Variants in PDE8B observed in about 807,000 individuals in gnomAD.
PDE8B encodes high affinity cAMP-specific and IBMX-insensitive 3',5'-cyclic phosphodiesterase 8B.
Under a neutral mutation model 101.3 loss-of-function variants are expected in PDE8B, and 26 were observed. The observed-to-expected ratio is 0.26, with a 90% CI of 0.19 to 0.36. The LOEUF (loss-of-function observed/expected upper bound fraction) is 0.36, where lower values mean the gene tolerates loss of function less well. Ranked by LOEUF, PDE8B falls within the 10% of genes least tolerant of loss-of-function variation. The probability of loss-of-function intolerance (pLI) is 1.00; values close to 1 mark genes in which losing one functional copy is unlikely to be tolerated. For missense variants in PDE8B, 810 were observed against 1,163.1 expected, an observed-to-expected ratio of 0.70 and a Z score of 4.42; for synonymous variants, 424 against 429.3, an observed-to-expected ratio of 0.99 and a Z score of 0.15.
At chr5:77,257,858 T>A (rs1759516816) in intron 1 of PDE8B, among the ~76,000 whole-genome samples, 1 of 152,074 alleles carries the variant, frequency 6.6e-6, no homozygotes, top group Non-Finnish European at 1.5e-5. Flanking sequence ...TGTGTATTGT[T>A]CCCCTCCCTG....
At chr5:77,128,480 G>A in the PDE8B span, among the ~76,000 whole-genome samples, 5 of 152,300 alleles carry the variant, frequency 3.3e-5, no homozygotes, top group South Asian at 1.0e-3. Context: ...GGTTGTGCAT[G>A]CATGACTGCC....
upstream of PDE8B, among the ~76,000 whole-genome samples, chr5:77,205,531 C>T (rs568785076): frequency 1.1e-4 from 17 of 152,056 alleles, no homozygotes; most frequent in African/African-American, 3.9e-4. Context: ...CTGATTCTCT[C>T]CCTTTTAAAT....
chr5:77,260,167 A>G (rs1279088319), intron 1 of PDE8B, among the ~76,000 whole-genome samples: 45 of 147,708 alleles, frequency 3.0e-4, no homozygotes, highest in African/African-American at 1.1e-3. Flanking sequence ...CAAAAAAAAA[A>G]AAAAAAGAAA....
chr5:77,233,678 G>GTC (rs1754075772), intron 1 of PDE8B, among the ~76,000 whole-genome samples: 1 of 151,244 alleles, frequency 6.6e-6, no homozygotes. Flanking sequence ...GTGTGTGTGT[G>GTC]TGTGTGTGTG....
intron 17 of PDE8B, among the ~76,000 whole-genome samples, chr5:77,414,587 A>ATTTTTT (rs35794220): frequency 7.2e-6 from 1 of 139,456 alleles, no homozygotes; most frequent in Non-Finnish European, 1.6e-5. Context: ...TGCCCAGCCG[A>ATTTTTT]TTTTTTTTTT....
intron 1 of PDE8B, among the ~76,000 whole-genome samples, chr5:77,261,700 G>C (rs1303947211): frequency 6.6e-6 from 1 of 152,200 alleles, no homozygotes; most frequent in East Asian, 1.9e-4. Context: ...AGTACTAGAA[G>C]GTTCCTAAGA....
the PDE8B span, among the ~76,000 whole-genome samples, chr5:77,129,289 A>C: frequency 1.3e-5 from 2 of 152,200 alleles, no homozygotes; most frequent in Admixed American, 1.3e-4. Flanking sequence ...TTTTATTATG[A>C]AAAATTTTAA....
intron 10 of PDE8B, among the ~76,000 whole-genome samples, chr5:77,389,558 C>T (rs1275494299): frequency 1.3e-5 from 2 of 152,178 alleles, no homozygotes; most frequent in Non-Finnish European, 2.9e-5. Context: ...TTTGACAAAG[C>T]ATATAATACT....
rs569755477 is a variant in PDE8B, at chr5:77,256,270, C to T, written c.339+45006C>T. Among the ~76,000 whole-genome samples, 54 of 152,206 alleles carry T rather than the reference C, an allele frequency of 3.5e-4. No homozygotes were observed. The South Asian group carries it at 8.3e-3, about 23-fold the overall frequency. On this transcript the variant is annotated intron_variant, in intron 1 of 21. Transcript: ENST00000264917. ...CATTGGGTACGTATATGAGGTCTTC[C>T]CACACTTTTATTCACAATCATATCA...
chr5:77,363,381 G>C (rs1783491787), intron 10 of PDE8B, among the ~76,000 whole-genome samples: 1 of 152,164 alleles, frequency 6.6e-6, no homozygotes, highest in Non-Finnish European at 1.5e-5. Context: ...ACTTCATAGA[G>C]GAGGTGTTGA....
intron 2 of PDE8B, among the ~76,000 whole-genome samples, chr5:77,324,634 A>T (rs1193725225): frequency 6.6e-6 from 1 of 152,212 alleles, no homozygotes; most frequent in Non-Finnish European, 1.5e-5. Flanking sequence ...CATCAGCTTT[A>T]CATTTCATGA....
chr5:77,389,728 G>A (rs1329403613), intron 10 of PDE8B, among the ~76,000 whole-genome samples: 10 of 152,008 alleles, frequency 6.6e-5, no homozygotes, highest in Non-Finnish European at 1.0e-4. Context: ...ATACTGTCAC[G>A]GTTGGCTTCT....
intron 1 of PDE8B, among the ~76,000 whole-genome samples, chr5:77,305,848 G>A (rs2150071492): frequency 6.6e-6 from 1 of 152,312 alleles, no homozygotes; most frequent in East Asian, 1.9e-4. Context: ...CACAGCTGGT[G>A]TCTTTTCAGT....
rs1002341248 is a variant in PDE8B at position 77,211,562 on chromosome 5, G to T, written c.339+298G>T. Among the ~76,000 whole-genome samples, 1 of 152,254 alleles carries T rather than the reference G, an allele frequency of 6.6e-6. No homozygotes were observed. Among genetic ancestry groups the T allele is most frequent in the African/African-American group, 2.4e-5 (1 of 41,474 alleles). ...CCTGTTCCTCCTTGAGGGCAGGAAG[G>T]CTGTGGCTTGGTTTATGCAGGAAGA... is the stretch of plus-strand genomic sequence containing the variant. On this transcript the variant is annotated intron_variant, in intron 1 of 21. Transcript: ENST00000264917. The surrounding 1 kb of genome is among the most constrained non-coding windows in gnomAD (Gnocchi z 4.1).
chr5:77,420,626 G>T (rs1033742555), intron 19 of PDE8B, among the ~76,000 whole-genome samples: 7 of 152,076 alleles, frequency 4.6e-5, no homozygotes, highest in African/African-American at 1.7e-4. Context: ...CCCATCCCAT[G>T]ACCAGTCTGG....
Position 77,211,388 on chromosome 5 carries a change from AAGG to A in PDE8B, c.339+130_339+132del, listed in dbSNP as rs1392689156. On this transcript the variant is annotated intron_variant, in intron 1 of 21. Transcript: ENST00000264917. The surrounding 1 kb of genome is among the most constrained non-coding windows in gnomAD (Gnocchi z 4.1). Reference sequence around the variant, plus strand: ...CGGTTGGTTTGGAGAGGTTGTCACTAAGGAGGAGTTTACTTTTCATTTGTGGAG... The same window carrying A: ...CGGTTGGTTTGGAGAGGTTGTCACTAAGGAGTTTACTTTTCATTTGTGGAG... The A allele has an allele frequency of 2.4e-6, 2 of 846,256 alleles. No homozygotes were observed. Among genetic ancestry groups the A allele is most frequent in the African/African-American group, 1.8e-5 (1 of 55,458 alleles). The allele number at this position is 846,256 out of a possible 1,614,324, so 52.4% of individuals were successfully genotyped here. A position where few individuals can be genotyped will look rare whatever the true frequency, so the allele number is the denominator to read the frequency against.
At chr5:77,097,096 A>G in the PDE8B span, among the ~76,000 whole-genome samples, 1 of 152,108 alleles carries the variant, frequency 6.6e-6, no homozygotes, top group East Asian at 1.9e-4. Context: ...CCTTAATTAT[A>G]TACATCTTTG....
At chr5:77,218,863 T>G (rs1047859354) in intron 1 of PDE8B, among the ~76,000 whole-genome samples, 7 of 152,202 alleles carry the variant, frequency 4.6e-5, no homozygotes, top group Admixed American at 3.9e-4. Flanking sequence ...TAGATATTTT[T>G]GAAACATGTA....
At chr5:77,414,232 C>G (rs757211487) in intron 17 of PDE8B, among the ~76,000 whole-genome samples, 1 of 152,194 alleles carries the variant, frequency 6.6e-6, no homozygotes, top group Non-Finnish European at 1.5e-5. Context: ...GTTTTGCCAA[C>G]AGCATCCTGA....
Sources: gnomAD v4.1 joint callset for allele counts (sites outside exome capture counted in the v4.1 genomes callset) on GRCh38, gnomAD v4.1.1 for gene constraint, Gnocchi (gnomAD v3.1) non-coding constraint, MANE v1.5 for transcripts, NCBI Gene and HGNC (gene_info 2026-07-23, HGNC 2026-07-21) for gene names.